The following ATP10D variants were observed in gnomAD, a reference collection of about 807,000 sequenced individuals.
ATP10D encodes ATPase phospholipid transporting 10D (putative), also known as phospholipid-transporting ATPase VD.
A neutral mutation model predicts 144.8 loss-of-function variants in ATP10D; 89 were observed. The ratio of observed to expected loss-of-function variants is 0.61; its 90% CI spans 0.52 to 0.73. The LOEUF (loss-of-function observed/expected upper bound fraction) is 0.73. Among genes scored for constraint, ATP10D ranks in the 30% least tolerant of loss-of-function variants. The pLI is 0.00. For synonymous variants in ATP10D, 571 were observed against 615.1 expected (o/e 0.93, Z 1.06); for missense variants, 1,603 against 1,714.8 (o/e 0.93, Z 1.15).
chr4:47,511,333 A>T (rs1246847668), intron 1 of ATP10D, among the ~76,000 whole-genome samples: 2 of 152,140 alleles, frequency 1.3e-5, no homozygotes, highest in Non-Finnish European at 2.9e-5. Context: ...TGAGGCTGAC[A>T]TGAATATTTT....
intron 3 of ATP10D, among the ~76,000 whole-genome samples, chr4:47,520,951 T>C (rs777592259): frequency 6.6e-6 from 1 of 152,202 alleles, no homozygotes; most frequent in Admixed American, 6.5e-5. Flanking sequence ...GTTATCAACT[T>C]TCTCCAAGGC....
At position 47,546,006 on chromosome 4, in the gene ATP10D, G is replaced by GA. The variant is rs372442463; in HGVS notation, c.1397-615dup. Among the ~76,000 whole-genome samples the GA allele has an allele frequency of 3.2e-3, 485 of 152,258 alleles. 3 individuals are homozygous for GA. The highest frequency in any genetic ancestry group is 5.7e-3 in the Non-Finnish European group (385 of 68,004). ...AAGAGACAGCAGGAGAAACTAAGAA[G>GA]AAACAGTCATTGAAGTAGGAGGAAA... On this transcript the variant is annotated intron_variant, in intron 9 of 22. Coordinates refer to ENST00000273859, the MANE Select transcript of ATP10D (RefSeq NM_020453.4).
At chr4:47,549,950 CTTT>C (rs57539413) in intron 10 of ATP10D, among the ~76,000 whole-genome samples, 3,680 of 128,182 alleles carry the variant, frequency 0.029, 157 homozygotes, top group African/African-American at 0.098. Context: ...TCACCTTTGT[CTTT>C]TTTTTTTTTT....
intron 1 of ATP10D, among the ~76,000 whole-genome samples, chr4:47,494,338 G>A (rs909558119): frequency 1.3e-5 from 2 of 151,990 alleles, no homozygotes; most frequent in Non-Finnish European, 2.9e-5. Context: ...TTTTCTTAGC[G>A]ATCCTGCATG....
intron 9 of ATP10D, among the ~76,000 whole-genome samples, 178 bp from the exon 10 acceptor site, chr4:47,546,446 G>A (rs1018346826): frequency 6.6e-6 from 1 of 152,200 alleles, no homozygotes; most frequent in Non-Finnish European, 1.5e-5. Flanking sequence ...TGATCTGATT[G>A]CTTCTCAGTG....
intron 3 of ATP10D, among the ~76,000 whole-genome samples, chr4:47,520,322 C>G (rs1213903793): frequency 1.1e-4 from 16 of 151,946 alleles, no homozygotes; most frequent in Admixed American, 1.0e-3. Context: ...AACAGTAATC[C>G]TTCCATCTGT....
rs141370816 is a variant in ATP10D, at chr4:47,518,883, A to G, written c.485+3213A>G. 4.6e-3 allele frequency among the ~76,000 whole-genome samples: 703 copies of G among 152,302 alleles called. 21 individuals carry two copies. Among genetic ancestry groups the G allele is most frequent in the Admixed American group, 0.039 (597 of 15,296 alleles). On this transcript the variant is annotated intron_variant, in intron 3 of 22. Coordinates refer to ENST00000273859, the MANE Select transcript of ATP10D (RefSeq NM_020453.4). ...GGATATACCTGCCTTGTTTCAATTT[A>G]CAGGGCCACTTAAGAGCTGTGTAAC...
chr4:47,586,310 C>T (rs1720790615), intron 21 of ATP10D, among the ~76,000 whole-genome samples: 1 of 152,176 alleles, frequency 6.6e-6, no homozygotes. Flanking sequence ...ATGAAAGTAG[C>T]TAGGCTGTGG....
At chr4:47,544,721 G>A (rs186349809) in intron 9 of ATP10D, among the ~76,000 whole-genome samples, 30 of 152,274 alleles carry the variant, frequency 2.0e-4, no homozygotes, top group South Asian at 2.1e-4. Flanking sequence ...GCCTCTCCTT[G>A]TCCTTAAAGA....
At chr4:47,526,984 C>T (rs773462304) in intron 5 of ATP10D, among the ~76,000 whole-genome samples, 44 of 151,900 alleles carry the variant, frequency 2.9e-4, no homozygotes, top group Middle Eastern at 3.4e-3. Context: ...AGTGGAGATG[C>T]GAAATAACTA....
intron 1 of ATP10D, among the ~76,000 whole-genome samples, chr4:47,488,611 G>GAAAAAAAAAA (rs1714895520): frequency 1.1e-4 from 1 of 8,736 alleles, no homozygotes; most frequent in Non-Finnish European, 2.6e-4. Flanking sequence ...AATATAATAA[G>GAAAAAAAAAA]CAAAAAAAAA....
chr4:47,523,141 T>A lies in ATP10D; in HGVS notation c.615T>A (p.Cys205Ter). The change falls in exon 4 of 23, where the codon TGT becomes TGA. Residue 205 changes from cysteine to a stop codon, truncating the protein, a stop_gained. Coordinates refer to ENST00000273859, the MANE Select transcript of ATP10D (RefSeq NM_020453.4). LOFTEE classifies it high-confidence loss of function. ...TTTCCACTGATCCAGATGGAATCTGTCACATTGAGACTTCTGGTCTTGATG... is the reference window on the plus strand; with the variant it reads ...TTTCCACTGATCCAGATGGAATCTGACACATTGAGACTTCTGGTCTTGATG... Reference protein sequence around the residue: ...LLFSTDPDGICHIETSGLDGE... With the variant: ...LLFSTDPDGI 6.2e-7 allele frequency: 1 copy of A among 1,614,102 alleles called. No individual in the cohort carries two copies. Among genetic ancestry groups the A allele is most frequent in the Non-Finnish European group, 8.5e-7 (1 of 1,180,006 alleles).
At chr4:47,584,479 G>C (rs191392267) in intron 21 of ATP10D, among the ~76,000 whole-genome samples, 1 of 152,116 alleles carries the variant, frequency 6.6e-6, no homozygotes, top group East Asian at 1.9e-4. Context: ...TGCAAGCTCC[G>C]CCTCCCAGGT....
intron 3 of ATP10D, among the ~76,000 whole-genome samples, 196 bp downstream of exon 3, chr4:47,515,866 A>G (rs1227444379): frequency 6.6e-6 from 1 of 152,224 alleles, no homozygotes; most frequent in Non-Finnish European, 1.5e-5. Context: ...AAAAACGTAT[A>G]AGCCATTGTC....
intron 9 of ATP10D, among the ~76,000 whole-genome samples, chr4:47,537,991 A>G (rs976631603): frequency 6.6e-6 from 1 of 152,160 alleles, no homozygotes; most frequent in African/African-American, 2.4e-5. Context: ...TATTTATTCA[A>G]TTGTTTTTAT....
At chr4:47,541,901 G>A (rs1718152336) in intron 9 of ATP10D, among the ~76,000 whole-genome samples, 1 of 152,024 alleles carries the variant, frequency 6.6e-6, no homozygotes, top group Non-Finnish European at 1.5e-5. Context: ...TCAGACAAAG[G>A]AAAGAATAGA....
At position 47,592,586 on chromosome 4, in the gene ATP10D, T is replaced by G. The variant is rs1453886032; in HGVS notation, c.*1205T>G. ...AGTTCTTTTGAAGTCCTATCTCTAT[T>G]TATTATATTTGAAAGTTGTCAGCCA... On this transcript the variant is annotated 3_prime_UTR_variant, in exon 23 of 23. Transcript: ENST00000273859. 1 of 152,520 alleles carries G rather than the reference T, an allele frequency of 6.6e-6. No homozygotes were observed. Among genetic ancestry groups the G allele is most frequent in the Non-Finnish European group, 1.5e-5 (1 of 67,982 alleles). The allele number at this position is 152,520 out of a possible 1,614,324, so 9.4% of individuals were successfully genotyped here.
intron 9 of ATP10D, among the ~76,000 whole-genome samples, chr4:47,542,363 C>G (rs1459425080): frequency 2.0e-5 from 3 of 152,120 alleles, no homozygotes; most frequent in South Asian, 4.1e-4. Context: ...TCCCAAAGTG[C>G]TGGGACTACA....
At chr4:47,502,067 A>G (rs1715709596) in intron 1 of ATP10D, among the ~76,000 whole-genome samples, 1 of 152,184 alleles carries the variant, frequency 6.6e-6, no homozygotes, top group African/African-American at 2.4e-5. Context: ...AGTTCCCAAT[A>G]ACATAGAGAA....
Sources: gnomAD v4.1 joint callset for allele counts (sites outside exome capture counted in the v4.1 genomes callset) on GRCh38, gnomAD v4.1.1 for gene constraint, MANE v1.5 for transcripts, NCBI Gene and HGNC (gene_info 2026-07-23, HGNC 2026-07-21) for gene names.